Variants in INPP5D observed in about 807,000 individuals in gnomAD.
INPP5D encodes inositol polyphosphate-5-phosphatase D.
Under a neutral mutation model 122.9 loss-of-function variants are expected in INPP5D, and 33 were observed. The ratio of observed to expected loss-of-function variants is 0.27; its 90% CI spans 0.20 to 0.36. The LOEUF (loss-of-function observed/expected upper bound fraction) is 0.36, where lower values mean the gene tolerates loss of function less well. Ranked by LOEUF, INPP5D falls within the 10% of genes least tolerant of loss-of-function variation. The probability of loss-of-function intolerance (pLI) is 1.00; values close to 1 mark genes in which losing one functional copy is unlikely to be tolerated. For missense variants in INPP5D, 1,053 were observed against 1,412.7 expected, an observed-to-expected ratio of 0.75 and a Z score of 4.08; for synonymous variants, 584 against 576.2, an observed-to-expected ratio of 1.01 and a Z score of -0.19.
At chr2:233,134,104 AG>A (rs1417261824) in intron 5 of INPP5D, 1 of 442,858 alleles carries the variant, frequency 2.3e-6, no homozygotes, top group Non-Finnish European at 4.6e-6. Context: ...TCCCAGTGTG[AG>A]GGGCTGAGTG....
chr2:233,205,688 T>C (rs924116087), intron 26 of INPP5D: 3 of 152,152 alleles, frequency 2.0e-5, no homozygotes, highest in African/African-American at 7.2e-5. Context: ...GTCGCATTCA[T>C]ACTTGAAAAT....
chr2:233,155,741 T>A (rs145368672), intron 9 of INPP5D, among the ~76,000 whole-genome samples: 7,728 of 152,068 alleles, frequency 0.051, 656 homozygotes, highest in African/African-American at 0.18. Context: ...AGAAAATTTA[T>A]TAAAGAATTC....
chr2:233,184,202 T>G (rs1694851710), intron 19 of INPP5D, among the ~76,000 whole-genome samples: 1 of 152,190 alleles, frequency 6.6e-6, no homozygotes, highest in African/African-American at 2.4e-5. Context: ...CCCCGCTCTC[T>G]GCCCTGGCCA....
At chr2:233,099,841 G>A (rs1358148536) in intron 2 of INPP5D, among the ~76,000 whole-genome samples, 1 of 152,162 alleles carries the variant, frequency 6.6e-6, no homozygotes, top group African/African-American at 2.4e-5. Context: ...CTAAGACTGG[G>A]CAACTTACAA....
intron 6 of INPP5D, among the ~76,000 whole-genome samples, chr2:233,144,478 G>T (rs1384712193): frequency 3.6e-5 from 5 of 137,656 alleles, no homozygotes; most frequent in Non-Finnish European, 8.1e-5. Flanking sequence ...AGGTGGTCAT[G>T]ATCATGATAG....
chr2:233,180,980 C>T (rs1165284902), intron 18 of INPP5D, among the ~76,000 whole-genome samples: 1 of 152,190 alleles, frequency 6.6e-6, no homozygotes, highest in Non-Finnish European at 1.5e-5. Context: ...GGCCTCAGGT[C>T]CAGTTTTTAG....
chr2:233,121,172 C>G (rs1016831160), intron 2 of INPP5D, among the ~76,000 whole-genome samples: 1 of 146,792 alleles, frequency 6.8e-6, no homozygotes, highest in African/African-American at 2.5e-5. Flanking sequence ...CACTCTGTCG[C>G]CCAGGCTGGA....
In INPP5D at chr2:233,080,651, A is replaced by T. The variant is rs1159034607; in HGVS notation, c.198+1253A>T. On this transcript the variant is annotated intron_variant, in intron 2 of 26. Transcript: ENST00000445964. ...AAGTGGGAGGGGAGAGGCAGGGTAC[A>T]CTCTTCAGTTTCAAAGCTTGAAGGG... 2.0e-5 allele frequency among the ~76,000 whole-genome samples: 3 copies of T among 152,034 alleles called. No homozygotes were observed. In the East Asian group the frequency reaches 5.8e-4, roughly 29 times the overall value.
At chr2:233,113,104 C>A (rs1444849347) in intron 2 of INPP5D, among the ~76,000 whole-genome samples, 2 of 152,164 alleles carry the variant, frequency 1.3e-5, no homozygotes, top group Admixed American at 6.5e-5. Flanking sequence ...GCTTCTTCCC[C>A]ATGTATTATC....
intron 13 of INPP5D, among the ~76,000 whole-genome samples, chr2:233,169,083 G>A (rs1353153303): frequency 6.6e-6 from 1 of 152,038 alleles, no homozygotes; most frequent in Non-Finnish European, 1.5e-5. Context: ...ACCTTCCTCT[G>A]CCCCGCCGAG....
At chr2:233,087,002 A>G (rs992277286) in intron 2 of INPP5D, among the ~76,000 whole-genome samples, 1 of 152,060 alleles carries the variant, frequency 6.6e-6, no homozygotes, top group African/African-American at 2.4e-5. Flanking sequence ...TCTAACCCTG[A>G]CCAGAAAAAG....
intron 2 of INPP5D, among the ~76,000 whole-genome samples, chr2:233,111,555 A>G (rs753968751): frequency 5.3e-5 from 8 of 152,120 alleles, no homozygotes; most frequent in African/African-American, 1.4e-4. Context: ...CTGTCCCTCA[A>G]TTTTGGGTTT....
intron 19 of INPP5D, among the ~76,000 whole-genome samples, 155 bp from the exon 20 acceptor site, chr2:233,184,253 T>C (rs1223221194): frequency 6.6e-6 from 1 of 152,080 alleles, no homozygotes; most frequent in Non-Finnish European, 1.5e-5. Context: ...CTCGGCTGGG[T>C]GCTGGATTTC....
At chr2:233,132,674 C>T (rs1037991909) in intron 5 of INPP5D, among the ~76,000 whole-genome samples, 1 of 152,176 alleles carries the variant, frequency 6.6e-6, no homozygotes, top group Non-Finnish European at 1.5e-5. Flanking sequence ...AAATTGTAAA[C>T]CCATAATTTT....
At position 233,164,159 on chromosome 2, in the gene INPP5D, A is replaced by G. The variant is rs1694264686; in HGVS notation, c.1438-148A>G. 4 of 1,418,086 alleles carry G rather than the reference A, an allele frequency of 2.8e-6. No individual in the cohort carries two copies. In the South Asian group the frequency reaches 5.9e-5, roughly 21 times the overall value. The allele number at this position is 1,418,086 out of a possible 1,614,324, so 87.8% of individuals were successfully genotyped here. A position where few individuals can be genotyped will look rare whatever the true frequency, so the allele number is the denominator to read the frequency against. On this transcript the variant is annotated intron_variant, in intron 12 of 26. Transcript: ENST00000445964. This position sits in a 1 kb window ranked among gnomAD's most constrained non-coding sequence, Gnocchi z 4.3. ...TTTAGGATGTTTTGTCTCGCCTATCAAGCATCGCTGGGAGTCCCCCGAAGG... is the reference window on the plus strand; with the variant it reads ...TTTAGGATGTTTTGTCTCGCCTATCGAGCATCGCTGGGAGTCCCCCGAAGG...
In INPP5D at chr2:233,088,678, A is replaced by C. The variant is rs954190513; in HGVS notation, c.198+9280A>C. Among the ~76,000 whole-genome samples, 15 of 152,350 alleles carry C rather than the reference A, an allele frequency of 9.8e-5. 1 individual carries two copies. In the South Asian group the frequency reaches 3.1e-3, roughly 32 times the overall value. On this transcript the variant is annotated intron_variant, in intron 2 of 26. Coordinates refer to ENST00000445964, the MANE Select transcript of INPP5D (RefSeq NM_001017915.3). ...CGTGACTCCATGGATGACTGTTTTA[A>C]AATGGCGAGGACGCACAGAGGCCAG... is the stretch of plus-strand genomic sequence containing the variant.
chr2:233,078,828 G>A lies in INPP5D; in HGVS notation c.135-507G>A, dbSNP rs1427391399. Among the ~76,000 whole-genome samples, 1 of 152,014 alleles carries A rather than the reference G, an allele frequency of 6.6e-6. No individual in the cohort carries two copies. The highest frequency in any genetic ancestry group is 2.4e-5 in the African/African-American group (1 of 41,396). ...CTCCCAAGTAGCTGGGACTACAGGT[G>A]TGCGCCACCACGCCCAGCTAATTTT... On this transcript the variant is annotated intron_variant, in intron 1 of 26. Transcript: ENST00000445964. The surrounding 1 kb of genome is among the most constrained non-coding windows in gnomAD (Gnocchi z 4.6).
intron 18 of INPP5D, among the ~76,000 whole-genome samples, chr2:233,178,918 C>G (rs1203709707): frequency 1.3e-5 from 2 of 152,228 alleles, no homozygotes. Context: ...CACTCTGTCT[C>G]TGGGGACTGG....
intron 1 of INPP5D, 148 bp downstream of exon 1, chr2:233,060,760 G>A (rs1366092856): frequency 6.8e-6 from 8 of 1,173,190 alleles, no homozygotes; most frequent in Non-Finnish European, 9.6e-6. Context: ...CCTTGTCCTT[G>A]GAGTTCAGAG....
Sources: allele counts gnomAD v4.1 joint callset (sites outside exome capture counted in the v4.1 genomes callset), GRCh38; gene constraint gnomAD v4.1.1; non-coding constraint Gnocchi (gnomAD v3.1); transcripts MANE v1.5; gene names NCBI Gene and HGNC (gene_info 2026-07-23, HGNC 2026-07-21).